EDNRB: variants seen among roughly 807,000 people sequenced by gnomAD.
EDNRB encodes the protein endothelin receptor type B, also known as Hirschsprung disease 2.
A neutral mutation model predicts 46.4 loss-of-function variants in EDNRB; 18 were observed. The ratio of observed to expected loss-of-function variants is 0.39; its 90% CI spans 0.27 to 0.57. The LOEUF (loss-of-function observed/expected upper bound fraction) is 0.57, where lower values mean the gene tolerates loss of function less well. Among genes scored for constraint, EDNRB ranks in the 20% least tolerant of loss-of-function variants. The probability of loss-of-function intolerance (pLI) is 0.61; values close to 1 mark genes in which losing one functional copy is unlikely to be tolerated. For synonymous variants in EDNRB, 213 were observed against 204.9 expected, an observed-to-expected ratio of 1.04 and a Z score of -0.34; for missense variants, 434 against 537.5, an observed-to-expected ratio of 0.81 and a Z score of 1.90.
In EDNRB at chr13:77,899,887, A is replaced by G; in HGVS notation, c.1166T>C (p.Val389Ala). ...AAAGCAGTTTTTGAATCTTTTGCTC[A>G]CCAAATACAGAGCAATTGGGTTAAT... ...SCINPIALYL[V>A]SKRFKNCFKS... The change falls in exon 6 of 7, where the codon GTG (valine) becomes GCG (alanine). Residue 389 changes from valine to alanine, a missense_variant. Coordinates refer to ENST00000646607, the MANE Select transcript of EDNRB (RefSeq NM_001122659.3). 1 of 1,611,866 alleles carries G rather than the reference A, an allele frequency of 6.2e-7. No homozygotes were observed. The highest frequency in any genetic ancestry group is 8.5e-7 in the Non-Finnish European group (1 of 1,178,686).
chr13:77,951,265 G>A (rs948713258), intron 1 of EDNRB, among the ~76,000 whole-genome samples: 11 of 152,010 alleles, frequency 7.2e-5, no homozygotes, highest in Non-Finnish European at 1.6e-4. Flanking sequence ...TTTTGTTGTC[G>A]TTTTGTTTTG....
intron 1 of EDNRB, among the ~76,000 whole-genome samples, chr13:77,916,578 T>C (rs1879816717): frequency 6.6e-6 from 1 of 152,210 alleles, no homozygotes. Context: ...CTCAGAAATG[T>C]TCGGAATTCC....
chr13:77,963,157 G>A (rs1210769357), intron 1 of EDNRB, among the ~76,000 whole-genome samples: 1 of 152,200 alleles, frequency 6.6e-6, no homozygotes, highest in Non-Finnish European at 1.5e-5. Flanking sequence ...CATGCTCATG[G>A]ATAAGAATAA....
At chr13:77,960,203 C>G (rs1055078573) in intron 1 of EDNRB, among the ~76,000 whole-genome samples, 1 of 152,100 alleles carries the variant, frequency 6.6e-6, no homozygotes, top group Non-Finnish European at 1.5e-5. Flanking sequence ...AAAGATACTC[C>G]TCGAGAAGAG....
At position 77,901,104 on chromosome 13, in the gene EDNRB, C is replaced by T. The variant is rs1415699054; in HGVS notation, c.905G>A (p.Arg302Lys). ...FYTLMTCEML[R>K]KKSGMQIALN... ...AGCAATCTGCATGCCACTTTTCTTT[C>T]TCAACATTTCACAGGTCATTAGTGT... The change falls in exon 4 of 7, where the codon AGA becomes AAA. Residue 302 changes from arginine (R) to lysine (K), a missense_variant. By Grantham distance (26) the Arg-to-Lys change is conservative. Coordinates refer to ENST00000646607, the MANE Select transcript of EDNRB (RefSeq NM_001122659.3). The T allele has an allele frequency of 6.2e-7, 1 of 1,611,234 alleles. No homozygotes were observed. The highest frequency in any genetic ancestry group is 1.3e-5 in the African/African-American group (1 of 74,714).
At chr13:77,934,876 A>G (rs938472890) in intron 1 of EDNRB, among the ~76,000 whole-genome samples, 6 of 152,238 alleles carry the variant, frequency 3.9e-5, no homozygotes, top group African/African-American at 1.4e-4. Flanking sequence ...GCCATCAATA[A>G]ATCAAGCGTG....
chr13:77,940,700 G>GATATGTGTGTGT (rs906671179), intron 1 of EDNRB, among the ~76,000 whole-genome samples: 5 of 149,094 alleles, frequency 3.4e-5, no homozygotes, highest in African/African-American at 1.2e-4. Flanking sequence ...AGATGAATTG[G>GATATGTGTGTGT]GTGTGTGTGT....
intron 1 of EDNRB, among the ~76,000 whole-genome samples, chr13:77,952,398 C>CA (rs1392097898): frequency 3.9e-5 from 6 of 152,154 alleles, no homozygotes; most frequent in African/African-American, 1.4e-4. Flanking sequence ...GATATGTGGA[C>CA]ACTCCTAAGT....
At position 77,931,763 on chromosome 13, in the gene EDNRB, A is replaced by G. The variant is rs1271607886; in HGVS notation, c.-51-13139T>C. Among the ~76,000 whole-genome samples, 28 of 133,674 alleles carry G rather than the reference A, an allele frequency of 2.1e-4. No homozygotes were observed. In the Admixed American group the frequency reaches 2.1e-3, roughly 10 times the overall value. The allele number at this position is 133,674 out of a possible 152,430, so 87.7% of individuals were successfully genotyped here. A position where few individuals can be genotyped will look rare whatever the true frequency, so the allele number is the denominator to read the frequency against. ...TAGTAGCAAAAAAAAAAAAAAAACAAAAAAAAAAAAACAAAAAAAACCTCC... is the reference window on the plus strand; with the variant it reads ...TAGTAGCAAAAAAAAAAAAAAAACAGAAAAAAAAAAACAAAAAAAACCTCC... On this transcript the variant is annotated intron_variant, in intron 1 of 7. Coordinates refer to the EDNRB transcript ENST00000646948.
In EDNRB at chr13:77,959,641, C is replaced by A. The variant is rs116760829; in HGVS notation, c.-52+15706G>T. Reference sequence around the variant, plus strand: ...TTCTAAAAATTAGAATGCCTCTCACCCTCTAAAGGAACTCAGCTCTTCGCC... The same window carrying A: ...TTCTAAAAATTAGAATGCCTCTCACACTCTAAAGGAACTCAGCTCTTCGCC... On this transcript the variant is annotated intron_variant, in intron 1 of 7. Coordinates refer to the EDNRB transcript ENST00000646948. Among the ~76,000 whole-genome samples, 557 of 152,302 alleles carry A rather than the reference C, an allele frequency of 3.7e-3. 4 individuals carry two copies. The highest frequency in any genetic ancestry group is 0.012 in the African/African-American group (513 of 41,568).
At chr13:77,940,476 G>C (rs1176815112) in intron 1 of EDNRB, among the ~76,000 whole-genome samples, 1 of 152,132 alleles carries the variant, frequency 6.6e-6, no homozygotes, top group Non-Finnish European at 1.5e-5. Flanking sequence ...TCATCTTCCT[G>C]GGAAATTTAA....
rs767874681 is a variant in EDNRB at position 77,941,474 on chromosome 13, C to T, written c.-51-22850G>A. 2.0e-5 allele frequency among the ~76,000 whole-genome samples: 3 copies of T among 152,212 alleles called. No homozygotes were observed. The East Asian group carries it at 5.8e-4, about 29-fold the overall frequency. ...GCACTATCATCTACTCTTTAACTTA[C>T]ATAATGACCAGATTCTTCTAGTGAT... On this transcript the variant is annotated intron_variant, in intron 1 of 7. Transcript: ENST00000646948.
chr13:77,897,534 TG>T lies in EDNRB; in HGVS notation c.*665del. ...GCCAGTCTGTTACATGCTGCTTGTT[TG>T]TGACATGTTGGTTACATATTGCAGA... On this transcript the variant is annotated 3_prime_UTR_variant, in exon 7 of 7. Coordinates refer to ENST00000646607, the MANE Select transcript of EDNRB (RefSeq NM_001122659.3). The T allele has an allele frequency of 2.0e-6, 2 of 983,522 alleles. No homozygotes were observed. The highest frequency in any genetic ancestry group is 2.4e-6 in the Non-Finnish European group (2 of 828,230). 60.9% of individuals were successfully genotyped at this position (983,522 alleles called of 1,614,324 possible). A position where few individuals can be genotyped will look rare whatever the true frequency, so the allele number is the denominator to read the frequency against.
At chr13:77,972,755 G>A (rs532915284) in intron 1 of EDNRB, among the ~76,000 whole-genome samples, 74 of 152,286 alleles carry the variant, frequency 4.9e-4, no homozygotes, top group African/African-American at 1.7e-3. Context: ...TAGATGGTCC[G>A]CAATAGAATG....
chr13:77,908,199 C>T (rs1482569862), intron 1 of EDNRB, among the ~76,000 whole-genome samples: 3 of 151,632 alleles, frequency 2.0e-5, no homozygotes, highest in Admixed American at 2.0e-4. Flanking sequence ...TTTGGCGAGA[C>T]TCTAAACGCT....
At chr13:77,922,813 C>A (rs1436735711), upstream of EDNRB, among the ~76,000 whole-genome samples, 1 of 152,174 alleles carries the variant, frequency 6.6e-6, no homozygotes, top group East Asian at 1.9e-4. Flanking sequence ...GTTTGCAATC[C>A]TGTGACCCAT....
intron 1 of EDNRB, among the ~76,000 whole-genome samples, chr13:77,928,535 G>A (rs1880302692): frequency 6.6e-6 from 1 of 152,144 alleles, no homozygotes; most frequent in Non-Finnish European, 1.5e-5. Context: ...TCCTGAAAAT[G>A]TTTACCACTG....
intron 1 of EDNRB, among the ~76,000 whole-genome samples, chr13:77,916,657 T>C (rs1211725879): frequency 1.3e-5 from 2 of 152,312 alleles, no homozygotes; most frequent in East Asian, 1.9e-4. Context: ...GCATGCCTTA[T>C]GGTAACTACT....
At chr13:77,920,998 C>T (rs191186599), upstream of EDNRB, among the ~76,000 whole-genome samples, 10 of 152,264 alleles carry the variant, frequency 6.6e-5, no homozygotes, top group East Asian at 1.9e-3. Flanking sequence ...TCCACTGAGT[C>T]CTGGAAGTCT....
Sources: gnomAD v4.1 joint callset for allele counts (sites outside exome capture counted in the v4.1 genomes callset) on GRCh38, gnomAD v4.1.1 for gene constraint, MANE v1.5 for transcripts, NCBI Gene and HGNC (gene_info 2026-07-23, HGNC 2026-07-21) for gene names.